Variants in SCHIP1 observed in about 807,000 individuals in gnomAD.
SCHIP1 encodes the protein schwannomin-interacting protein 1.
Under a neutral mutation model 29.7 loss-of-function variants are expected in SCHIP1, and 8 were observed. That is an observed-to-expected ratio of 0.27 (90% CI 0.16 to 0.49). SCHIP1 has a LOEUF of 0.49. SCHIP1 is among the 20% of genes least tolerant of loss of function. The pLI, the probability that SCHIP1 is intolerant of heterozygous loss-of-function variation, is 0.99. For synonymous variants in SCHIP1, 76 were observed against 94.9 expected (o/e 0.80, Z 1.16); for missense variants, 193 against 294.6 (o/e 0.66, Z 2.52).
chr3:159,731,394 G>A, the SCHIP1 span, among the ~76,000 whole-genome samples: 3 of 152,200 alleles, frequency 2.0e-5, no homozygotes, highest in Non-Finnish European at 2.9e-5. Context: ...GAAGGTAAAA[G>A]GAACCCTCAA....
the SCHIP1 span, among the ~76,000 whole-genome samples, chr3:159,625,645 G>C: frequency 6.6e-6 from 1 of 151,996 alleles, no homozygotes; most frequent in African/African-American, 2.4e-5. Flanking sequence ...CATGGAACTG[G>C]GCAAAGGCTA....
At chr3:159,345,152 G>A in the SCHIP1 span, among the ~76,000 whole-genome samples, 197 of 151,422 alleles carry the variant, frequency 1.3e-3, 1 homozygote, top group African/African-American at 4.4e-3. Context: ...GCTTGAACTC[G>A]GGAGGGAGAG....
the SCHIP1 span, among the ~76,000 whole-genome samples, chr3:159,705,596 A>C: frequency 5.9e-5 from 9 of 152,252 alleles, no homozygotes; most frequent in Admixed American, 4.6e-4. Flanking sequence ...TCACTCCACT[A>C]AGAGGTTTGG....
At chr3:159,680,706 T>TAC in the SCHIP1 span, among the ~76,000 whole-genome samples, 644 of 12,440 alleles carry the variant, frequency 0.052, 95 homozygotes, top group Middle Eastern at 0.12. Flanking sequence ...TAATATATAT[T>TAC]ATATATAATA....
the SCHIP1 span, among the ~76,000 whole-genome samples, chr3:159,640,499 C>A: frequency 6.6e-6 from 1 of 152,210 alleles, no homozygotes; most frequent in Admixed American, 6.5e-5. Context: ...GTTTTTCTAT[C>A]CATATATGGC....
chr3:159,324,305 C>T, the SCHIP1 span, among the ~76,000 whole-genome samples: 1 of 152,002 alleles, frequency 6.6e-6, no homozygotes, highest in African/African-American at 2.4e-5. Flanking sequence ...AGATTTATGA[C>T]ATTTAATTTA....
the SCHIP1 span, among the ~76,000 whole-genome samples, chr3:159,323,520 G>A: frequency 1.0e-3 from 155 of 152,248 alleles, 2 homozygotes; most frequent in South Asian, 0.024. Context: ...TAGTTTCACC[G>A]TAGTCTGTCT....
the SCHIP1 span, among the ~76,000 whole-genome samples, chr3:159,593,405 A>C: frequency 6.6e-6 from 1 of 152,018 alleles, no homozygotes; most frequent in Non-Finnish European, 1.5e-5. Flanking sequence ...CACTTGGAGG[A>C]GGTCTGCTGC....
At chr3:159,543,367 TCCCCCCA>T in the SCHIP1 span, among the ~76,000 whole-genome samples, 1 of 20,884 alleles carries the variant, frequency 4.8e-5, no homozygotes, top group African/African-American at 1.9e-4. Context: ...CCCTCCCCCC[TCCCCCCA>T]CCCCACAACA....
At chr3:159,640,527 G>A in the SCHIP1 span, among the ~76,000 whole-genome samples, 2 of 152,116 alleles carry the variant, frequency 1.3e-5, no homozygotes, top group African/African-American at 4.8e-5. Context: ...GATTCAGTAT[G>A]AGTGTGTATA....
At chr3:159,605,486 T>C in the SCHIP1 span, among the ~76,000 whole-genome samples, 1 of 152,156 alleles carries the variant, frequency 6.6e-6, no homozygotes, top group Non-Finnish European at 1.5e-5. Flanking sequence ...TATCACCTTC[T>C]ACGATAGGAA....
At chr3:159,707,368 TA>T in the SCHIP1 span, among the ~76,000 whole-genome samples, 1 of 152,190 alleles carries the variant, frequency 6.6e-6, no homozygotes, top group African/African-American at 2.4e-5. Flanking sequence ...TCTCAGCACT[TA>T]AGAGTTCTTA....
chr3:159,393,786 T>C, the SCHIP1 span, among the ~76,000 whole-genome samples: 1 of 151,764 alleles, frequency 6.6e-6, no homozygotes, highest in Non-Finnish European at 1.5e-5. Context: ...AGGATTGACT[T>C]GGCGATGCGG....
the SCHIP1 span, among the ~76,000 whole-genome samples, chr3:159,703,335 A>C: frequency 6.6e-6 from 1 of 152,240 alleles, no homozygotes; most frequent in Non-Finnish European, 1.5e-5. Flanking sequence ...ACTTTTCAAA[A>C]GCATTTCATC....
chr3:159,774,648 A>T, the SCHIP1 span, among the ~76,000 whole-genome samples: 1 of 152,218 alleles, frequency 6.6e-6, no homozygotes, highest in Admixed American at 6.5e-5. Context: ...CCCAGGTGGT[A>T]GGAATGATCC....
At chr3:159,589,128 T>C in the SCHIP1 span, among the ~76,000 whole-genome samples, 6,469 of 152,306 alleles carry the variant, frequency 0.042, 296 homozygotes, top group African/African-American at 0.12. Flanking sequence ...ATTTGTGTCC[T>C]GTTTTATTTC....
chr3:159,411,364 T>C, the SCHIP1 span, among the ~76,000 whole-genome samples: 1 of 152,128 alleles, frequency 6.6e-6, no homozygotes, highest in Non-Finnish European at 1.5e-5. Flanking sequence ...TGTTATGCAT[T>C]GTATGCCTGT....
chr3:159,490,547 A>G, the SCHIP1 span, among the ~76,000 whole-genome samples: 1 of 152,206 alleles, frequency 6.6e-6, no homozygotes, highest in Non-Finnish European at 1.5e-5. Flanking sequence ...AGCAATATTT[A>G]TTGAGTGCCT....
At chr3:159,776,541 T>C in the SCHIP1 span, among the ~76,000 whole-genome samples, 1 of 152,224 alleles carries the variant, frequency 6.6e-6, no homozygotes, top group Non-Finnish European at 1.5e-5. Context: ...CTGTTAGAGT[T>C]GTTATCCATC....
Sources: gnomAD v4.1 joint callset for allele counts (sites outside exome capture counted in the v4.1 genomes callset) on GRCh38, gnomAD v4.1.1 for gene constraint, MANE v1.5 for transcripts, NCBI Gene and HGNC (gene_info 2026-07-23, HGNC 2026-07-21) for gene names.